The following STAG1 variants were observed in gnomAD, a reference collection of about 807,000 sequenced individuals.
STAG1 encodes STAG1 cohesin complex component.
A neutral mutation model predicts 170.9 loss-of-function variants in STAG1; 26 were observed. The ratio of observed to expected loss-of-function variants is 0.15; its 90% CI spans 0.11 to 0.21. The LOEUF (loss-of-function observed/expected upper bound fraction) is 0.21, where lower values mean the gene tolerates loss of function less well. STAG1 is among the 10% of genes least tolerant of loss of function. The pLI is 1.00. For synonymous variants in STAG1, 514 were observed against 497.7 expected (o/e 1.03, Z -0.44); for missense variants, 964 against 1,509.5 (o/e 0.64, Z 5.99).
intron 7 of STAG1, among the ~76,000 whole-genome samples, chr3:136,510,728 C>A (rs1400393600): frequency 6.6e-6 from 1 of 152,000 alleles, no homozygotes; most frequent in African/African-American, 2.4e-5. Context: ...TCTCCTGCCT[C>A]AGCCTCCAGA....
At chr3:136,473,149 A>C (rs1027072819) in intron 11 of STAG1, among the ~76,000 whole-genome samples, 1 of 152,134 alleles carries the variant, frequency 6.6e-6, no homozygotes, top group Non-Finnish European at 1.5e-5. Context: ...CCTTATGAGA[A>C]TCTAATGCCT....
chr3:136,749,813 T>C (rs1935134546), intron 1 of STAG1, among the ~76,000 whole-genome samples: 1 of 151,260 alleles, frequency 6.6e-6, no homozygotes, highest in Non-Finnish European at 1.5e-5. Context: ...GACACCCTGA[T>C]TTTAGCCTGA....
chr3:136,364,720 G>A (rs903139811), intron 25 of STAG1, among the ~76,000 whole-genome samples: 2 of 152,164 alleles, frequency 1.3e-5, no homozygotes, highest in Non-Finnish European at 2.9e-5. Flanking sequence ...TTTTCTGTGA[G>A]TAAATAATCA....
At chr3:136,467,660 G>T (rs1232337455) in intron 12 of STAG1, among the ~76,000 whole-genome samples, 7 of 152,126 alleles carry the variant, frequency 4.6e-5, no homozygotes, top group Non-Finnish European at 8.8e-5. Context: ...CAAGCGGAAT[G>T]AACAGACATC....
intron 3 of STAG1, among the ~76,000 whole-genome samples, chr3:136,606,093 CAT>C (rs1938921491): frequency 2.0e-5 from 3 of 151,732 alleles, no homozygotes; most frequent in Admixed American, 2.0e-4. Flanking sequence ...TTCCTAAATA[CAT>C]ATAGTTACTC....
At chr3:136,491,096 TTCTC>T (rs1333189000) in intron 9 of STAG1, among the ~76,000 whole-genome samples, 8 of 152,224 alleles carry the variant, frequency 5.3e-5, no homozygotes, top group African/African-American at 1.4e-4. Flanking sequence ...CTACTACTAC[TTCTC>T]TCTAATACAT....
chr3:136,560,718 T>C (rs1936805212), intron 5 of STAG1, among the ~76,000 whole-genome samples: 1 of 152,172 alleles, frequency 6.6e-6, no homozygotes, highest in African/African-American at 2.4e-5. Context: ...GAAAAACAAC[T>C]ATGGGTGCTA....
chr3:136,459,870 A>G (rs1452250232), intron 13 of STAG1, among the ~76,000 whole-genome samples: 1 of 152,184 alleles, frequency 6.6e-6, no homozygotes, highest in Non-Finnish European at 1.5e-5. Context: ...TCTAAAGGAA[A>G]GTTTATACCA....
At chr3:136,559,848 A>C (rs1171568812) in intron 5 of STAG1, among the ~76,000 whole-genome samples, 1 of 152,224 alleles carries the variant, frequency 6.6e-6, no homozygotes, top group Non-Finnish European at 1.5e-5. Flanking sequence ...AAATGTGAGA[A>C]GCTATACAAT....
chr3:136,422,903 C>T (rs1231092366), intron 17 of STAG1, 46 bp from the exon 18 acceptor site: 1 of 1,588,480 alleles, frequency 6.3e-7, no homozygotes, highest in Non-Finnish European at 8.6e-7. Context: ...TTTAATAGTA[C>T]AATGAAAGCA....
At chr3:136,375,795 C>T (rs1031377142) in intron 23 of STAG1, among the ~76,000 whole-genome samples, 1 of 151,168 alleles carries the variant, frequency 6.6e-6, no homozygotes, top group Non-Finnish European at 1.5e-5. Flanking sequence ...ACAGTGAAAC[C>T]CATATCTACT....
At chr3:136,436,412 G>A (rs1415636993) in intron 15 of STAG1, among the ~76,000 whole-genome samples, 1 of 151,948 alleles carries the variant, frequency 6.6e-6, no homozygotes, top group Non-Finnish European at 1.5e-5. Flanking sequence ...CTCCTGAGTA[G>A]CTGGGATTAC....
chr3:136,629,505 A>G (rs1022807920), intron 2 of STAG1, among the ~76,000 whole-genome samples: 3 of 152,056 alleles, frequency 2.0e-5, no homozygotes, highest in Non-Finnish European at 4.4e-5. Flanking sequence ...ATATATTTAT[A>G]TATATGATAT....
chr3:136,723,574 C>G (rs1444387503), intron 1 of STAG1, among the ~76,000 whole-genome samples: 1 of 151,728 alleles, frequency 6.6e-6, no homozygotes, highest in African/African-American at 2.4e-5. Context: ...GGTCAGCCCC[C>G]GCCAGGCCAG....
At chr3:136,538,744 T>G (rs1935759824) in intron 6 of STAG1, among the ~76,000 whole-genome samples, 1 of 151,332 alleles carries the variant, frequency 6.6e-6, no homozygotes, top group Non-Finnish European at 1.5e-5. Context: ...TCTTAAGCAC[T>G]CCTCTCGTAC....
chr3:136,577,469 A>G (rs918840356), intron 4 of STAG1, among the ~76,000 whole-genome samples: 1 of 152,206 alleles, frequency 6.6e-6, no homozygotes, highest in African/African-American at 2.4e-5. Flanking sequence ...GATCAAACTA[A>G]CAATTTTGAA....
chr3:136,470,680 C>T (rs549431362), intron 12 of STAG1, among the ~76,000 whole-genome samples: 2 of 152,282 alleles, frequency 1.3e-5, no homozygotes, highest in South Asian at 4.1e-4. Flanking sequence ...AAGACACATG[C>T]ATACATATGT....
chr3:136,453,826 TGA>T (rs986011741), intron 13 of STAG1, among the ~76,000 whole-genome samples: 8 of 150,810 alleles, frequency 5.3e-5, no homozygotes, highest in African/African-American at 1.9e-4. Flanking sequence ...GCCTCTCAAA[TGA>T]GAGGCAAAAT....
At chr3:136,723,048 C>T (rs1933395639) in intron 1 of STAG1, among the ~76,000 whole-genome samples, 1 of 152,248 alleles carries the variant, frequency 6.6e-6, no homozygotes, top group Non-Finnish European at 1.5e-5. Flanking sequence ...GCTACAACCT[C>T]CACCTCCCAG....
Sources: allele counts gnomAD v4.1 joint callset (sites outside exome capture counted in the v4.1 genomes callset), GRCh38; gene constraint gnomAD v4.1.1; transcripts MANE v1.5; gene names NCBI Gene and HGNC (gene_info 2026-07-23, HGNC 2026-07-21).